The following SIPA1L3 variants were observed in gnomAD, a reference collection of about 807,000 sequenced individuals.
SIPA1L3 encodes the protein signal induced proliferation associated 1 like 3.
Under a neutral mutation model 150.1 loss-of-function variants are expected in SIPA1L3, and 59 were observed. The observed-to-expected ratio is 0.39, with a 90% CI of 0.32 to 0.49. The LOEUF (loss-of-function observed/expected upper bound fraction) is 0.49. Among genes scored for constraint, SIPA1L3 ranks in the 20% least tolerant of loss-of-function variants. The pLI is 0.86. For missense variants in SIPA1L3, 2,211 were observed against 2,489.5 expected (o/e 0.89, Z 2.38); for synonymous variants, 1,070 against 1,077.6 (o/e 0.99, Z 0.14).
rs754135148 is a variant in SIPA1L3 at position 38,081,817 on chromosome 19, C to T, written c.252C>T (p.Ala84=). 1.9e-6 allele frequency: 3 copies of T among 1,613,604 alleles called. No homozygotes were observed. In the South Asian group the frequency reaches 3.3e-5, roughly 18 times the overall value. ...AGATGGGCGTGCGCGCAAGGGTGGCCGACTGGCCGCCCAAGCGGGAGGCCC... is the reference window on the plus strand; with the variant it reads ...AGATGGGCGTGCGCGCAAGGGTGGCTGACTGGCCGCCCAAGCGGGAGGCCC... The part of the protein sequence containing the change: ...MPKMGVRARV[A]DWPPKREALR... Residue 84 remains alanine (A), a synonymous_variant, in exon 3 of 22, where the codon GCC becomes GCT. Coordinates refer to ENST00000222345, the MANE Select transcript of SIPA1L3 (RefSeq NM_015073.3).
chr19:38,056,402 C>G (rs551432937), intron 2 of SIPA1L3, among the ~76,000 whole-genome samples: 11 of 152,180 alleles, frequency 7.2e-5, no homozygotes, highest in Non-Finnish European at 1.6e-4. Context: ...TCCTCCATCC[C>G]CCTCACCCAC....
At chr19:38,059,471 T>C (rs1368028088) in intron 2 of SIPA1L3, among the ~76,000 whole-genome samples, 1 of 152,114 alleles carries the variant, frequency 6.6e-6, no homozygotes, top group Non-Finnish European at 1.5e-5. Context: ...GCCTAGCTAA[T>C]TTTTGTATTT....
chr19:38,078,438 G>GCACACA (rs66830496), intron 2 of SIPA1L3, among the ~76,000 whole-genome samples: 2,221 of 138,972 alleles, frequency 0.016, 62 homozygotes, highest in African/African-American at 0.055. Flanking sequence ...GCGCATACAT[G>GCACACA]CACACACACA....
intron 1 of SIPA1L3, among the ~76,000 whole-genome samples, chr19:37,944,085 T>C (rs2046687188): frequency 6.6e-6 from 1 of 152,008 alleles, no homozygotes. Flanking sequence ...GAGACCAGCC[T>C]GGCCAACATG....
At chr19:38,161,785 C>T (rs1197932074) in intron 13 of SIPA1L3, among the ~76,000 whole-genome samples, 11 of 151,860 alleles carry the variant, frequency 7.2e-5, no homozygotes, top group Non-Finnish European at 1.5e-5. Context: ...TGGTGGCTCA[C>T]GCCTATCATC....
intron 7 of SIPA1L3, chr19:38,109,995 C>T (rs923373477): frequency 3.0e-5 from 15 of 502,060 alleles, no homozygotes; most frequent in Middle Eastern, 1.1e-3. Flanking sequence ...GAGGGAACAG[C>T]GGTGCAGAGG....
intron 12 of SIPA1L3, among the ~76,000 whole-genome samples, chr19:38,145,498 A>G (rs1224129543): frequency 6.8e-6 from 1 of 147,058 alleles, no homozygotes; most frequent in African/African-American, 2.5e-5. Flanking sequence ...GTGGCACTGC[A>G]CTCCAGCCTG....
intron 1 of SIPA1L3, among the ~76,000 whole-genome samples, chr19:38,019,538 G>T (rs891203165): frequency 7.9e-5 from 12 of 152,172 alleles, no homozygotes; most frequent in African/African-American, 2.7e-4. Flanking sequence ...TGTAGTCTTA[G>T]CTGAGCATCC....
chr19:37,982,867 T>C (rs1374019883), intron 1 of SIPA1L3, among the ~76,000 whole-genome samples: 1 of 152,138 alleles, frequency 6.6e-6, no homozygotes, highest in Non-Finnish European at 1.5e-5. Flanking sequence ...AGCAGGGGCA[T>C]CTTTGTCCAC....
rs531501551 is a variant in SIPA1L3, at chr19:38,181,892, C to T, written c.4209-627C>T. On this transcript the variant is annotated intron_variant, in intron 15 of 21. Transcript: ENST00000222345. ...TAAGGGCCAGGCCCAGTGGCTCATC[C>T]TGTAATCCCAACACTTTGGGAGGCC... 6.8e-4 allele frequency among the ~76,000 whole-genome samples: 103 copies of T among 150,926 alleles called. 1 individual carries two copies. Among genetic ancestry groups the T allele is most frequent in the African/African-American group, 2.5e-3 (101 of 40,908 alleles).
intron 13 of SIPA1L3, among the ~76,000 whole-genome samples, chr19:38,154,477 C>T (rs998815621): frequency 7.9e-5 from 12 of 151,934 alleles, no homozygotes; most frequent in Admixed American, 6.6e-5. Context: ...AACGGAGTTT[C>T]GCTCTTGTCA....
At chr19:38,103,065 G>A (rs1970542834) in intron 6 of SIPA1L3, among the ~76,000 whole-genome samples, 1 of 151,666 alleles carries the variant, frequency 6.6e-6, no homozygotes, top group African/African-American at 2.4e-5. Context: ...AGAGGTTGCA[G>A]TGAGCCAAGA....
chr19:38,020,298 AT>A (rs909026585), intron 1 of SIPA1L3, among the ~76,000 whole-genome samples: 19 of 150,604 alleles, frequency 1.3e-4, no homozygotes, highest in African/African-American at 4.1e-4. Flanking sequence ...ACTGTTAGTA[AT>A]TTTTTTTTTC....
intron 16 of SIPA1L3, among the ~76,000 whole-genome samples, chr19:38,187,715 C>CAAA (rs34187992): frequency 3.9e-4 from 23 of 59,504 alleles, no homozygotes; most frequent in East Asian, 5.0e-4. Context: ...GACTCCGTCT[C>CAAA]AAAAAAAAAA....
chr19:38,087,776 T>C (rs1318306689), intron 3 of SIPA1L3: 1 of 152,314 alleles, frequency 6.6e-6, no homozygotes, highest in South Asian at 2.1e-4. Context: ...CCCAGCACTT[T>C]GGGAGGCCGA....
chr19:38,205,673 TC>T (rs1973194674), intron 21 of SIPA1L3, among the ~76,000 whole-genome samples: 1 of 151,660 alleles, frequency 6.6e-6, no homozygotes, highest in Non-Finnish European at 1.5e-5. Context: ...AAGAAGGGGG[TC>T]TGCTCAGGCC....
At chr19:38,125,855 G>A (rs1971158935) in intron 9 of SIPA1L3, among the ~76,000 whole-genome samples, 1 of 152,178 alleles carries the variant, frequency 6.6e-6, no homozygotes, top group African/African-American at 2.4e-5. Context: ...TACTTTCATG[G>A]TGCTCCTCTC....
intron 1 of SIPA1L3, among the ~76,000 whole-genome samples, chr19:37,976,122 AG>A (rs1967070266): frequency 6.6e-6 from 1 of 151,092 alleles, no homozygotes; most frequent in Non-Finnish European, 1.5e-5. Context: ...AAAAAAAGAA[AG>A]AAAAGAAATG....
chr19:38,092,808 G>A (rs113371583), intron 4 of SIPA1L3, among the ~76,000 whole-genome samples: 3 of 151,916 alleles, frequency 2.0e-5, no homozygotes, highest in African/African-American at 4.8e-5. Flanking sequence ...GTGACAAGGT[G>A]GGGGACAAAG....
Sources: allele counts gnomAD v4.1 joint callset (sites outside exome capture counted in the v4.1 genomes callset), GRCh38; gene constraint gnomAD v4.1.1; transcripts MANE v1.5; gene names NCBI Gene and HGNC (gene_info 2026-07-23, HGNC 2026-07-21).